The following CACNG4 variants were observed in gnomAD, a reference collection of about 807,000 sequenced individuals.
The protein encoded by CACNG4 is voltage-dependent calcium channel gamma-4 subunit.
A neutral mutation model predicts 22.9 loss-of-function variants in CACNG4; 8 were observed. The observed-to-expected ratio is 0.35, with a 90% CI of 0.21 to 0.63. CACNG4 has a LOEUF of 0.63. Among genes scored for constraint, CACNG4 ranks in the 30% least tolerant of loss-of-function variants. CACNG4 has a pLI of 0.72. For missense variants in CACNG4, 357 were observed against 455.4 expected (o/e 0.78, Z 1.97); for synonymous variants, 188 against 191.9 (o/e 0.98, Z 0.17).
chr17:67,031,033 C>CCCCGAGACTTT lies in CACNG4; in HGVS notation c.*29_*30insCCCGAGACTTT. The CCCCGAGACTTT allele has an allele frequency of 3.1e-6, 5 of 1,592,838 alleles. No individual in the cohort carries two copies. Among genetic ancestry groups the CCCCGAGACTTT allele is most frequent in the Non-Finnish European group, 3.4e-6 (4 of 1,168,140 alleles). On this transcript the variant is annotated 3_prime_UTR_variant, in exon 4 of 4. Transcript: ENST00000262138. The surrounding 1 kb of genome is among the most constrained non-coding windows in gnomAD (Gnocchi z 4.0). ...GCCTGCCCTTTCTCTCCGCTCCAGC[C>CCCCGAGACTTT]TCTCCCCAGAACGGCTCTTTTTGTC... is the stretch of plus-strand genomic sequence containing the variant.
chr17:66,974,049 C>T (rs2035221137), intron 1 of CACNG4, among the ~76,000 whole-genome samples: 1 of 152,178 alleles, frequency 6.6e-6, no homozygotes, highest in African/African-American at 2.4e-5. Flanking sequence ...TTGTTTACTT[C>T]TTCCCCCTTC....
chr17:67,006,701 C>G (rs1035017700), intron 1 of CACNG4, among the ~76,000 whole-genome samples: 2 of 152,196 alleles, frequency 1.3e-5, no homozygotes, highest in Non-Finnish European at 2.9e-5. Flanking sequence ...GCTCACCTCC[C>G]CAGCTAGGTC....
chr17:66,973,483 T>C, intron 1 of CACNG4, among the ~76,000 whole-genome samples: 1 of 152,200 alleles, frequency 6.6e-6, no homozygotes, highest in Non-Finnish European at 1.5e-5. Flanking sequence ...CAAGGTGGCA[T>C]GGCTCAGGAG....
chr17:67,000,413 T>C (rs1391840450), intron 1 of CACNG4, among the ~76,000 whole-genome samples: 1 of 138,940 alleles, frequency 7.2e-6, no homozygotes, highest in Non-Finnish European at 1.5e-5. Flanking sequence ...TTTTATTTAC[T>C]GTTTTTTTTT....
At chr17:67,025,546 G>C (rs776536341) in intron 3 of CACNG4, among the ~76,000 whole-genome samples, 1 of 152,208 alleles carries the variant, frequency 6.6e-6, no homozygotes, top group Non-Finnish European at 1.5e-5. Flanking sequence ...AAGAGTGAGC[G>C]GGGAAGCTCG....
intron 1 of CACNG4, among the ~76,000 whole-genome samples, chr17:67,013,729 C>T (rs539208891): frequency 6.6e-6 from 1 of 151,678 alleles, no homozygotes; most frequent in South Asian, 2.1e-4. Context: ...TGGTTGAACC[C>T]GGGAGGTGGA....
At chr17:66,979,478 C>G (rs2035258106) in intron 1 of CACNG4, among the ~76,000 whole-genome samples, 1 of 152,194 alleles carries the variant, frequency 6.6e-6, no homozygotes, top group Non-Finnish European at 1.5e-5. Flanking sequence ...TGAAGATCAT[C>G]TGGTACGAAA....
intron 1 of CACNG4, among the ~76,000 whole-genome samples, chr17:67,006,836 G>A (rs1308486909): frequency 6.6e-6 from 1 of 152,174 alleles, no homozygotes; most frequent in Non-Finnish European, 1.5e-5. Flanking sequence ...ACCCAAAACA[G>A]ATTCTAGCGT....
At chr17:66,985,069 G>A (rs146130099) in intron 1 of CACNG4, among the ~76,000 whole-genome samples, 159 of 152,264 alleles carry the variant, frequency 1.0e-3, no homozygotes, top group Non-Finnish European at 1.6e-3. Context: ...CTCTGAGACC[G>A]TCCTCTCTCC....
At chr17:66,972,789 A>G (rs1389356926) in intron 1 of CACNG4, among the ~76,000 whole-genome samples, 3 of 151,630 alleles carry the variant, frequency 2.0e-5, no homozygotes, top group Non-Finnish European at 4.4e-5. Context: ...AGCCGGGCGT[A>G]GTGGTGCATG....
intron 1 of CACNG4, among the ~76,000 whole-genome samples, chr17:66,974,714 C>G (rs760408234): frequency 1.3e-5 from 2 of 152,106 alleles, no homozygotes; most frequent in African/African-American, 4.8e-5. Flanking sequence ...CTGCCAACCC[C>G]GAATGTGCAC....
chr17:66,965,700 G>C (rs2143262980), intron 1 of CACNG4, among the ~76,000 whole-genome samples: 1 of 151,432 alleles, frequency 6.6e-6, no homozygotes, highest in South Asian at 2.1e-4. Flanking sequence ...TGAGGGGTGG[G>C]GGCAGAAGTA....
At chr17:66,982,486 G>C (rs779877169) in intron 1 of CACNG4, among the ~76,000 whole-genome samples, 2 of 146,050 alleles carry the variant, frequency 1.4e-5, no homozygotes, top group Non-Finnish European at 3.1e-5. Context: ...CCTCTAGCTA[G>C]CTACAGGGCG....
At chr17:66,993,063 G>A (rs2035351100) in intron 1 of CACNG4, among the ~76,000 whole-genome samples, 1 of 152,236 alleles carries the variant, frequency 6.6e-6, no homozygotes, top group African/African-American at 2.4e-5. Flanking sequence ...GACAGGCTGT[G>A]AGAACCCTCA....
intron 1 of CACNG4, among the ~76,000 whole-genome samples, chr17:66,982,789 C>A (rs1242275627): frequency 6.6e-6 from 1 of 152,184 alleles, no homozygotes; most frequent in Non-Finnish European, 1.5e-5. Flanking sequence ...CTCCTGGGCT[C>A]AAGCGATCCT....
At chr17:66,970,634 G>GT (rs2035198068) in intron 1 of CACNG4, among the ~76,000 whole-genome samples, 1 of 152,188 alleles carries the variant, frequency 6.6e-6, no homozygotes, top group Non-Finnish European at 1.5e-5. Context: ...GAGGGCACCA[G>GT]TTTTTTGGTC....
At chr17:66,966,539 C>T (rs925972745) in intron 1 of CACNG4, among the ~76,000 whole-genome samples, 5 of 152,156 alleles carry the variant, frequency 3.3e-5, no homozygotes, top group Admixed American at 2.0e-4. Context: ...TTTCTGGCCG[C>T]ATTTGAAGTC....
At chr17:66,985,951 A>AAAG (rs559157203) in intron 1 of CACNG4, among the ~76,000 whole-genome samples, 64 of 147,710 alleles carry the variant, frequency 4.3e-4, no homozygotes, top group African/African-American at 8.0e-4. Flanking sequence ...AGGAAAAAAA[A>AAAG]AAGAAGAAGA....
chr17:66,999,784 G>A (rs73339146), intron 1 of CACNG4, among the ~76,000 whole-genome samples: 3,731 of 152,246 alleles, frequency 0.025, 150 homozygotes, highest in African/African-American at 0.086. Flanking sequence ...TGAGATTTGG[G>A]TGGGGACACA....
Sources: allele counts gnomAD v4.1 joint callset (sites outside exome capture counted in the v4.1 genomes callset), GRCh38; gene constraint gnomAD v4.1.1; non-coding constraint Gnocchi (gnomAD v3.1); transcripts MANE v1.5; gene names NCBI Gene and HGNC (gene_info 2026-07-23, HGNC 2026-07-21).